GREB1: variants seen among roughly 807,000 people sequenced by gnomAD.
The protein encoded by GREB1 is protein GREB1.
Under a neutral mutation model 200.7 loss-of-function variants are expected in GREB1, and 106 were observed. The ratio of observed to expected loss-of-function variants is 0.53; its 90% CI spans 0.45 to 0.62. The LOEUF is 0.62. Among genes scored for constraint, GREB1 ranks in the 20% least tolerant of loss-of-function variants. The probability of loss-of-function intolerance (pLI) is 0.00; values close to 1 mark genes in which losing one functional copy is unlikely to be tolerated. For missense variants in GREB1, 2,243 were observed against 2,556.8 expected, an observed-to-expected ratio of 0.88 and a Z score of 2.65; for synonymous variants, 1,132 against 1,092.4, an observed-to-expected ratio of 1.04 and a Z score of -0.72.
At chr2:11,595,504 C>A in intron 12 of GREB1, 125 bp downstream of exon 12, 1 of 917,214 alleles carries the variant, frequency 1.1e-6, no homozygotes, top group Non-Finnish European at 1.6e-6. Context: ...GCAGAGTGCC[C>A]CTCATTCTGT....
intron 1 of GREB1, among the ~76,000 whole-genome samples, chr2:11,511,113 C>T (rs1322437885): frequency 6.6e-6 from 1 of 152,092 alleles, no homozygotes; most frequent in East Asian, 1.9e-4. Context: ...ATGGTGAGGG[C>T]AGGCATGGGG....
At chr2:11,555,010 A>G (rs537314995) in intron 1 of GREB1, among the ~76,000 whole-genome samples, 1 of 152,352 alleles carries the variant, frequency 6.6e-6, no homozygotes, top group African/African-American at 2.4e-5. Context: ...ACTGTCTAGA[A>G]AGAAATGAAA....
chr2:11,587,737 A>ACGCGCG lies in GREB1; in HGVS notation c.1160-1008_1160-1007insGCGCGC, dbSNP rs1390303645. ...CACACACACACACACACACACACACACACACGCCACCTTTGGGAGCTCAGC... is the reference window on the plus strand; with the variant it reads ...CACACACACACACACACACACACACACGCGCGCACACGCCACCTTTGGGAGCTCAGC... On this transcript the variant is annotated intron_variant, in intron 9 of 32. Coordinates refer to ENST00000381486, the MANE Select transcript of GREB1 (RefSeq NM_014668.4). 97 of 734,154 alleles carry ACGCGCG rather than the reference A, an allele frequency of 1.3e-4. 10 individuals are homozygous for ACGCGCG. The South Asian group carries it at 3.4e-3, about 26-fold the overall frequency. 45.5% of individuals were successfully genotyped at this position (734,154 alleles called of 1,614,324 possible).
At chr2:11,589,780 G>T (rs1447095747) in intron 10 of GREB1, among the ~76,000 whole-genome samples, 2 of 152,290 alleles carry the variant, frequency 1.3e-5, no homozygotes, top group East Asian at 3.9e-4. Flanking sequence ...TGAAGGTAAG[G>T]CCGGCTGGAA....
At chr2:11,518,758 A>AG (rs943802733) in intron 1 of GREB1, among the ~76,000 whole-genome samples, 3 of 151,796 alleles carry the variant, frequency 2.0e-5, no homozygotes, top group Non-Finnish European at 4.4e-5. Context: ...AAAAAAAAAA[A>AG]AAAGAAAAAG....
At chr2:11,584,969 G>A (rs1163077666) in intron 7 of GREB1, 192 bp from the exon 8 acceptor site, 4 of 465,212 alleles carry the variant, frequency 8.6e-6, no homozygotes, top group Non-Finnish European at 1.5e-5. Flanking sequence ...GGTCCAGGTC[G>A]GAATGAAACA....
chr2:11,538,626 TTTCTTTCTTTCTTTCTTTC>T (rs1558510573), intron 1 of GREB1, among the ~76,000 whole-genome samples: 5 of 19,428 alleles, frequency 2.6e-4, no homozygotes, highest in African/African-American at 4.7e-4. Flanking sequence ...TCTTTCTTTC[TTTCTTTCTTTCTTTCTTTC>T]TTTCTTTCTT....
At chr2:11,551,430 T>C (rs1006452996) in intron 1 of GREB1, among the ~76,000 whole-genome samples, 1 of 152,172 alleles carries the variant, frequency 6.6e-6, no homozygotes, top group African/African-American at 2.4e-5. Context: ...TCCTAATCAT[T>C]TCTGTCTGAT....
chr2:11,554,636 G>C (rs1045499875), intron 1 of GREB1, among the ~76,000 whole-genome samples: 2 of 152,222 alleles, frequency 1.3e-5, no homozygotes, highest in African/African-American at 4.8e-5. Context: ...TTCAGTGCAG[G>C]CATCTGGTGC....
rs147427766 is a variant in GREB1, at chr2:11,548,376, A to G, written c.-161-8078A>G. ...TACCCCAACACAGATGCACACACAT[A>G]CACACACCCACATACATACACATAC... On this transcript the variant is annotated intron_variant, in intron 1 of 32. Coordinates refer to ENST00000381486, the MANE Select transcript of GREB1 (RefSeq NM_014668.4). This position sits in a 1 kb window ranked among gnomAD's most constrained non-coding sequence, Gnocchi z 5.1. 6.9e-6 allele frequency among the ~76,000 whole-genome samples: 1 copy of G among 145,300 alleles called. No homozygotes were observed. Among genetic ancestry groups the G allele is most frequent in the African/African-American group, 2.9e-5 (1 of 34,948 alleles).
At chr2:11,535,115 G>C (rs1257631524) in intron 1 of GREB1, among the ~76,000 whole-genome samples, 160 of 152,304 alleles carry the variant, frequency 1.1e-3, no homozygotes, top group African/African-American at 3.7e-3. Flanking sequence ...GTGGGAGGTA[G>C]AGGAGCTACC....
chr2:11,602,358 T>C (rs773594939), intron 16 of GREB1, 48 bp from the exon 17 acceptor site: 2 of 1,581,870 alleles, frequency 1.3e-6, no homozygotes, highest in East Asian at 4.5e-5. Flanking sequence ...CCTCTGACCG[T>C]CCCTGCGAAT....
At chr2:11,489,458 T>TG (rs1388565769) in intron 1 of GREB1, among the ~76,000 whole-genome samples, 1 of 149,906 alleles carries the variant, frequency 6.7e-6, no homozygotes, top group Non-Finnish European at 1.5e-5. Flanking sequence ...GACTCCGTCT[T>TG]GGGGGAAAAA....
At position 11,566,477 on chromosome 2, in the gene GREB1, T is replaced by G. The variant is rs1405206606; in HGVS notation, c.278-3T>G. The stretch of plus-strand genomic sequence containing the variant: ...GCGTGTGAACCCTGTCCACCCCTCC[T>G]AGGGTTTTGCCAGGCCGGGAAGGAC... On this transcript the variant is annotated splice_polypyrimidine_tract_variant and splice_region_variant and intron_variant, in intron 3 of 32. Transcript: ENST00000381486. 3.7e-6 allele frequency: 6 copies of G among 1,604,724 alleles called. No homozygotes were observed. The highest frequency in any genetic ancestry group is 5.1e-6 in the Non-Finnish European group (6 of 1,174,846).
chr2:11,513,128 G>T (rs1572571273), intron 1 of GREB1, among the ~76,000 whole-genome samples: 1 of 152,180 alleles, frequency 6.6e-6, no homozygotes, highest in Non-Finnish European at 1.5e-5. Context: ...TCATAACGAA[G>T]ACTATGTAAG....
At chr2:11,614,944 A>G (rs968570616) in intron 19 of GREB1, 147 bp from the exon 20 acceptor site, 2 of 647,414 alleles carry the variant, frequency 3.1e-6, no homozygotes, top group Admixed American at 2.5e-5. Flanking sequence ...GCTCCCAGTA[A>G]CACTGTTGGC....
intron 1 of GREB1, among the ~76,000 whole-genome samples, chr2:11,486,027 A>G (rs561807246): frequency 6.6e-6 from 1 of 152,322 alleles, no homozygotes; most frequent in Non-Finnish European, 1.5e-5. Context: ...GGTGACAGGA[A>G]CTTGCTTTCA....
chr2:11,612,819 G>T (rs1301766003), intron 19 of GREB1, among the ~76,000 whole-genome samples: 3 of 152,234 alleles, frequency 2.0e-5, no homozygotes, highest in African/African-American at 7.2e-5. Context: ...TTCTCAGAAA[G>T]GCGCTGTTTG....
At chr2:11,600,714 T>C (rs1681707104) in intron 15 of GREB1, 86 bp from the exon 16 acceptor site, 3 of 1,019,724 alleles carry the variant, frequency 2.9e-6, no homozygotes, top group Non-Finnish European at 4.6e-6. Flanking sequence ...AGTCAGGGGT[T>C]AGTTATAAAT....
Sources: allele counts gnomAD v4.1 joint callset (sites outside exome capture counted in the v4.1 genomes callset), GRCh38; gene constraint gnomAD v4.1.1; non-coding constraint Gnocchi (gnomAD v3.1); transcripts MANE v1.5; gene names NCBI Gene and HGNC (gene_info 2026-07-23, HGNC 2026-07-21).